DGKG: variants seen among roughly 807,000 people sequenced by gnomAD.
DGKG encodes diacylglycerol kinase gamma.
A neutral mutation model predicts 105.3 loss-of-function variants in DGKG; 78 were observed. The observed-to-expected ratio is 0.74, with a 90% confidence interval of 0.62 to 0.89. The LOEUF (loss-of-function observed/expected upper bound fraction) is 0.89. Ranked by LOEUF, DGKG falls within the 40% of genes least tolerant of loss-of-function variation. DGKG has a pLI of 0.00. For missense variants in DGKG, 958 were observed against 1,020.1 expected (o/e 0.94, Z 0.83); for synonymous variants, 346 against 367.1 (o/e 0.94, Z 0.66).
intron 1 of DGKG, among the ~76,000 whole-genome samples, chr3:186,346,119 A>C (rs1578863195): frequency 6.6e-6 from 1 of 152,056 alleles, no homozygotes; most frequent in East Asian, 1.9e-4. Context: ...TGTCTTTTTT[A>C]ATTTGCTTCA....
chr3:186,275,751 T>C (rs1443745647), intron 9 of DGKG, 87 bp from the exon 10 acceptor site: 2 of 844,626 alleles, frequency 2.4e-6, no homozygotes, highest in African/African-American at 1.7e-5. Flanking sequence ...TTCTTCCTTT[T>C]CATCTCATTT....
At chr3:186,286,394 A>G (rs1723072396) in intron 6 of DGKG, among the ~76,000 whole-genome samples, 1 of 152,184 alleles carries the variant, frequency 6.6e-6, no homozygotes, top group South Asian at 2.1e-4. Flanking sequence ...TTGTGCATGA[A>G]CAATAGAACT....
At chr3:186,295,969 C>T (rs1367216098) in intron 5 of DGKG, among the ~76,000 whole-genome samples, 6 of 152,150 alleles carry the variant, frequency 3.9e-5, no homozygotes, top group African/African-American at 1.4e-4. Context: ...ATTAGCCAGG[C>T]GTGGCAGCAC....
chr3:186,356,093 A>C (rs2108679332), intron 1 of DGKG, among the ~76,000 whole-genome samples: 1 of 152,392 alleles, frequency 6.6e-6, no homozygotes, highest in South Asian at 2.1e-4. Flanking sequence ...AAAAAGATGA[A>C]GAAATATGGG....
intron 6 of DGKG, 104 bp downstream of exon 6, chr3:186,288,606 T>C: frequency 8.0e-7 from 1 of 1,242,890 alleles, no homozygotes. Context: ...GGGACGCATA[T>C]CCGTGATATC....
rs201572578 is a variant in DGKG at position 186,268,857 on chromosome 3, T to A, written c.1060A>T (p.Ser354Cys). 2.4e-5 allele frequency: 39 copies of A among 1,614,058 alleles called. No homozygotes were observed. In the Admixed American group the frequency reaches 4.8e-4, roughly 20 times the overall value. The change falls in exon 12 of 25, where the codon AGT becomes TGT. Residue 354 changes from serine to cysteine, a missense_variant. Around this residue, in one of 2 missense-constraint regions of DGKG, gnomAD observed 643 missense variants for 619.5 expected, o/e 1.04. Transcript: ENST00000265022. ...SSVKCDRCHK[S>C]IKCYQSVTAR... ...GTGACACTCTGGTAGCACTTGATACTTTTGTGGCACCGGTCACACTTGACG... is the reference window on the plus strand; with the variant it reads ...GTGACACTCTGGTAGCACTTGATACATTTGTGGCACCGGTCACACTTGACG...
intron 1 of DGKG, among the ~76,000 whole-genome samples, chr3:186,331,581 T>A (rs1725604424): frequency 2.0e-5 from 3 of 152,152 alleles, no homozygotes; most frequent in Admixed American, 6.5e-5. Context: ...CGCAAGATAG[T>A]CATGAAAATG....
In DGKG at chr3:186,254,668, C is replaced by A. The variant is rs1452953252; in HGVS notation, c.1511-1486G>T. ...CTCCAAGCAATCTCTTCTCTCTATCCCCATGGTGATGCCTGAGTGCAGGTA... is the reference window on the plus strand; with the variant it reads ...CTCCAAGCAATCTCTTCTCTCTATCACCATGGTGATGCCTGAGTGCAGGTA... On this transcript the variant is annotated intron_variant, in intron 17 of 24. Transcript: ENST00000265022. Among the ~76,000 whole-genome samples the A allele has an allele frequency of 8.5e-5, 13 of 152,230 alleles. No homozygotes were observed. In the Middle Eastern group the frequency reaches 0.01, roughly 119 times the overall value.
In DGKG at chr3:186,306,935, T is replaced by C; in HGVS notation, c.110A>G (p.Glu37Gly). The C allele has an allele frequency of 6.2e-7, 1 of 1,613,142 alleles. No homozygotes were observed. The highest frequency in any genetic ancestry group is 8.5e-7 in the Non-Finnish European group (1 of 1,179,114). Residue 37 changes from glutamate (E) to glycine (G), a missense_variant, in exon 3 of 25, where the codon GAG (glutamate) becomes GGG (glycine). Glu to Gly is a moderately conservative substitution (Grantham distance 98). Around this residue, in one of 2 missense-constraint regions of DGKG, gnomAD observed 643 missense variants for 619.5 expected, o/e 1.04. Transcript: ENST00000265022. ...GTCATATTGTTTGAGGCTCCCACCC[T>C]CATTAAATTCAGTCAAGGCATCTTT... ...KIKDALTEFN[E>G]GGSLKQYDPH...
At chr3:186,273,054 G>A (rs1050279612) in intron 10 of DGKG, among the ~76,000 whole-genome samples, 5 of 152,122 alleles carry the variant, frequency 3.3e-5, no homozygotes, top group East Asian at 1.9e-4. Context: ...GCAGGCCCCC[G>A]TGACAATCCA....
intron 6 of DGKG, among the ~76,000 whole-genome samples, chr3:186,287,514 T>C (rs1474853867): frequency 2.6e-5 from 4 of 152,356 alleles, no homozygotes; most frequent in South Asian, 4.1e-4. Context: ...AACATTTCTT[T>C]GCATGGTCAT....
intron 1 of DGKG, among the ~76,000 whole-genome samples, chr3:186,321,930 C>A (rs920632504): frequency 6.6e-6 from 1 of 152,204 alleles, no homozygotes; most frequent in Non-Finnish European, 1.5e-5. Flanking sequence ...CCAGCCAGCT[C>A]GACTCTGCTC....
chr3:186,181,461 G>C (rs912077711), intron 22 of DGKG, among the ~76,000 whole-genome samples: 1 of 152,202 alleles, frequency 6.6e-6, no homozygotes, highest in African/African-American at 2.4e-5. Context: ...GGCTGGGTGT[G>C]GTGGCTCACA....
At chr3:186,325,397 T>A (rs544615983) in intron 1 of DGKG, among the ~76,000 whole-genome samples, 2 of 152,334 alleles carry the variant, frequency 1.3e-5, no homozygotes, top group South Asian at 4.1e-4. Flanking sequence ...TGAATAATAG[T>A]TGAAATTTTA....
intron 17 of DGKG, among the ~76,000 whole-genome samples, chr3:186,254,643 C>T (rs772264819): frequency 6.6e-6 from 1 of 152,184 alleles, no homozygotes; most frequent in Non-Finnish European, 1.5e-5. Flanking sequence ...CTTACTAGAT[C>T]TCCAAGCAAT....
At chr3:186,261,022 C>T (rs899781807) in intron 15 of DGKG, among the ~76,000 whole-genome samples, 3 of 152,180 alleles carry the variant, frequency 2.0e-5, no homozygotes, top group African/African-American at 7.2e-5. Context: ...GCCGTGACTG[C>T]ACCCAGGCCT....
rs1474578685 is a variant in DGKG at position 186,353,424 on chromosome 3, C to A, written c.-249+8522G>T. Among the ~76,000 whole-genome samples, 3 of 151,916 alleles carry A rather than the reference C, an allele frequency of 2.0e-5. No homozygotes were observed. In the South Asian group the frequency reaches 6.2e-4, roughly 32 times the overall value. ...ATCCCAGCTACTCGAGAGGTTGAGGCAGGAGAATTCCTTGAACCTGGGACG... is the reference window on the plus strand; with the variant it reads ...ATCCCAGCTACTCGAGAGGTTGAGGAAGGAGAATTCCTTGAACCTGGGACG... On this transcript the variant is annotated intron_variant, in intron 1 of 24. Transcript: ENST00000265022.
chr3:186,305,578 T>C (rs1340012377), intron 3 of DGKG, among the ~76,000 whole-genome samples: 1 of 152,078 alleles, frequency 6.6e-6, no homozygotes, highest in African/African-American at 2.4e-5. Context: ...GACATAAGTT[T>C]TAACGGATTG....
chr3:186,242,378 C>A, intron 20 of DGKG, 126 bp downstream of exon 20: 1 of 696,674 alleles, frequency 1.4e-6, no homozygotes, highest in South Asian at 2.0e-5. Context: ...CTCCTTCCGG[C>A]AAGTGGCAGG....
Sources: gnomAD v4.1 joint callset for allele counts (sites outside exome capture counted in the v4.1 genomes callset) on GRCh38, gnomAD v4.1.1 for gene constraint, gnomAD v4.1.1 regional missense constraint, MANE v1.5 for transcripts, NCBI Gene and HGNC (gene_info 2026-07-23, HGNC 2026-07-21) for gene names.